ADAM9: variants seen among roughly 807,000 people sequenced by gnomAD.
The protein encoded by ADAM9 is disintegrin and metalloproteinase domain-containing protein 9.
Under a neutral mutation model 108.1 loss-of-function variants are expected in ADAM9, and 54 were observed. The ratio of observed to expected loss-of-function variants is 0.50; its 90% CI spans 0.40 to 0.63. The LOEUF is 0.63. Among genes scored for constraint, ADAM9 ranks in the 20% least tolerant of loss-of-function variants. The pLI is 0.00. For missense variants in ADAM9, 830 were observed against 997.7 expected (o/e 0.83, Z 2.26); for synonymous variants, 316 against 336.0 (o/e 0.94, Z 0.65).
At chr8:39,038,613 T>C (rs944683649) in intron 11 of ADAM9, among the ~76,000 whole-genome samples, 4 of 152,198 alleles carry the variant, frequency 2.6e-5, no homozygotes, top group African/African-American at 9.7e-5. Context: ...AACCTTTACA[T>C]GGGCAGGGAT....
intron 16 of ADAM9, 29 bp downstream of exon 16, chr8:39,077,440 TAAAATGAAA>T: frequency 6.4e-7 from 1 of 1,569,444 alleles, no homozygotes; most frequent in Non-Finnish European, 8.6e-7. Flanking sequence ...ATTTACAAAG[TAAAATGAAA>T]AAAATTAAAA....
At chr8:39,033,335 C>T (rs1421208111) in intron 11 of ADAM9, among the ~76,000 whole-genome samples, 1 of 151,964 alleles carries the variant, frequency 6.6e-6, no homozygotes, top group Admixed American at 6.6e-5. Context: ...TTTTGATTTT[C>T]TACATAGATG....
At chr8:39,000,288 C>T (rs577777107) in intron 1 of ADAM9, among the ~76,000 whole-genome samples, 3 of 152,194 alleles carry the variant, frequency 2.0e-5, no homozygotes, top group East Asian at 1.9e-4. Context: ...CACCGCGCCC[C>T]AGCCTCTCTC....
At chr8:39,099,198 A>T (rs767460191) in intron 20 of ADAM9, among the ~76,000 whole-genome samples, 1 of 152,124 alleles carries the variant, frequency 6.6e-6, no homozygotes, top group Non-Finnish European at 1.5e-5. Context: ...TCACCATTCC[A>T]TCCAGCTCAG....
intron 14 of ADAM9, among the ~76,000 whole-genome samples, chr8:39,056,576 A>G (rs930474556): frequency 1.3e-5 from 2 of 152,176 alleles, no homozygotes; most frequent in African/African-American, 2.4e-5. Flanking sequence ...TGTGTATTGT[A>G]TAATGGCCAC....
At chr8:39,055,869 G>T in intron 14 of ADAM9, 97 bp downstream of exon 14, 1 of 1,272,366 alleles carries the variant, frequency 7.9e-7, no homozygotes, top group Non-Finnish European at 1.1e-6. Context: ...ATAAAGTTGA[G>T]GCTCTCTTGT....
intron 11 of ADAM9, among the ~76,000 whole-genome samples, chr8:39,031,715 G>A (rs1390226344): frequency 6.6e-6 from 1 of 152,210 alleles, no homozygotes; most frequent in East Asian, 1.9e-4. Flanking sequence ...GTGATCCTTT[G>A]GAGGAGAAGG....
intron 14 of ADAM9, among the ~76,000 whole-genome samples, chr8:39,057,752 T>G (rs1173793977): frequency 6.6e-6 from 1 of 152,150 alleles, no homozygotes; most frequent in Admixed American, 6.5e-5. Context: ...GGGGCCCACC[T>G]CCAATAGGGA....
intron 14 of ADAM9, among the ~76,000 whole-genome samples, chr8:39,067,774 A>G (rs1258539600): frequency 6.6e-6 from 1 of 152,158 alleles, no homozygotes. Flanking sequence ...AGAACTTCCA[A>G]CAGTATGTTG....
At chr8:39,092,696 C>T (rs1182742716) in intron 20 of ADAM9, among the ~76,000 whole-genome samples, 1 of 150,752 alleles carries the variant, frequency 6.6e-6, no homozygotes, top group Non-Finnish European at 1.5e-5. Flanking sequence ...TGCAGTACTC[C>T]TAAGAATATT....
chr8:39,062,994 C>G (rs73602756), intron 14 of ADAM9, among the ~76,000 whole-genome samples: 30 of 152,268 alleles, frequency 2.0e-4, no homozygotes, highest in African/African-American at 6.7e-4. Flanking sequence ...GCCAACCAAC[C>G]GAACAAACTG....
rs770182830 is a variant in ADAM9, at chr8:39,090,204, T to A, written c.2210+16T>A. 33 of 1,600,146 alleles carry A rather than the reference T, an allele frequency of 2.1e-5. 1 individual carries two copies. In the South Asian group the frequency reaches 3.3e-4, roughly 16 times the overall value. ...AAACATATGAGTACTTAGATTTTTT[T>A]CTTTTAATTCCTATATTAAATATAT... is the stretch of plus-strand genomic sequence containing the variant. On this transcript the variant is annotated intron_variant, in intron 19 of 21. Transcript: ENST00000487273.
intron 13 of ADAM9, among the ~76,000 whole-genome samples, chr8:39,055,060 AC>A (rs1293338767): frequency 2.0e-5 from 3 of 152,164 alleles, no homozygotes; most frequent in Admixed American, 6.6e-5. Flanking sequence ...GTTCTATAAT[AC>A]ATGGTTATTT....
At chr8:39,099,174 A>G (rs1484957460) in intron 20 of ADAM9, among the ~76,000 whole-genome samples, 2 of 152,106 alleles carry the variant, frequency 1.3e-5, no homozygotes, top group African/African-American at 4.8e-5. Flanking sequence ...TAGGCTTTGT[A>G]TAGGGCCTTG....
intron 14 of ADAM9, among the ~76,000 whole-genome samples, chr8:39,068,223 A>G (rs1308685177): frequency 6.6e-6 from 1 of 152,154 alleles, no homozygotes; most frequent in African/African-American, 2.4e-5. Context: ...CTCTAGGCTC[A>G]TGGGGGAGGC....
At chr8:39,099,798 G>A (rs1381968058) in intron 20 of ADAM9, among the ~76,000 whole-genome samples, 1 of 150,914 alleles carries the variant, frequency 6.6e-6, no homozygotes, top group Admixed American at 6.6e-5. Flanking sequence ...TTGCTTGCTT[G>A]TAATCTTTAG....
Position 39,068,396 on chromosome 8 carries a change from C to T in ADAM9, c.1592-2902C>T, listed in dbSNP as rs891046471. Among the ~76,000 whole-genome samples, 21 of 152,130 alleles carry T rather than the reference C, an allele frequency of 1.4e-4. 1 individual carries two copies. The highest frequency in any genetic ancestry group is 5.8e-4 in the East Asian group (3 of 5,174). On this transcript the variant is annotated intron_variant, in intron 14 of 21. Transcript: ENST00000487273. ...GGAGGGCCAAGTCCTAGCTGTCAGT[C>T]GGGCACGGTGGCTCACACCTCTAAT...
intron 12 of ADAM9, 24 bp from the exon 13 acceptor site, chr8:39,054,457 T>C (rs1185179365): frequency 2.5e-6 from 4 of 1,593,394 alleles, no homozygotes; most frequent in South Asian, 1.1e-5. Context: ...AATTTCTTTA[T>C]TGACAGTCAT....
intron 20 of ADAM9, among the ~76,000 whole-genome samples, chr8:39,092,296 AATG>A (rs1839380985): frequency 6.7e-6 from 1 of 149,760 alleles, no homozygotes; most frequent in Non-Finnish European, 1.5e-5. Flanking sequence ...CACTGTTGAA[AATG>A]ATTAGAAATC....
Sources: gnomAD v4.1 joint callset for allele counts (sites outside exome capture counted in the v4.1 genomes callset) on GRCh38, gnomAD v4.1.1 for gene constraint, MANE v1.5 for transcripts, NCBI Gene and HGNC (gene_info 2026-07-23, HGNC 2026-07-21) for gene names.